AKAP1: variants seen among roughly 807,000 people sequenced by gnomAD.
AKAP1 encodes the protein A-kinase anchor protein 1, mitochondrial.
In AKAP1, 32 loss-of-function variants were observed where a neutral mutation model predicts 79.8. The observed-to-expected ratio is 0.40, with a 90% confidence interval of 0.30 to 0.54. The LOEUF (loss-of-function observed/expected upper bound fraction) is 0.54, where lower values mean the gene tolerates loss of function less well. Ranked by LOEUF, AKAP1 falls within the 20% of genes least tolerant of loss-of-function variation. The pLI is 0.47. For synonymous variants in AKAP1, 416 were observed against 466.7 expected (o/e 0.89, Z 1.40); for missense variants, 961 against 1,138.9 (o/e 0.84, Z 2.25).
chr17:57,118,493 G>A (rs902585049), intron 9 of AKAP1, 39 bp downstream of exon 9: 2 of 1,606,980 alleles, frequency 1.2e-6, no homozygotes, highest in Non-Finnish European at 1.7e-6. Context: ...AGGCTGGCTG[G>A]GTTCTTGGGA....
chr17:57,112,395 G>A, intron 4 of AKAP1, 96 bp from the exon 5 acceptor site: 3 of 1,463,062 alleles, frequency 2.1e-6, no homozygotes, highest in South Asian at 1.3e-5. Context: ...TCTATGCAAA[G>A]TCCAGTGGAG....
In AKAP1 at chr17:57,106,620, G is replaced by A. The variant is rs766390638; in HGVS notation, c.1156G>A (p.Glu386Lys). ...CQASQLQGQKEESCVPVHQKT... is the reference protein window; with the variant it reads ...CQASQLQGQKKESCVPVHQKT... ...GGCCAGTCAGCTCCAAGGGCAGAAG[G>A]AAGAGAGCTGTGTCCCAGTTCACCA... The change falls in exon 2 of 11, where the codon GAA (glutamate) becomes AAA (lysine). Residue 386 changes from glutamate to lysine, a missense_variant. Physicochemically the swap from Glu to Lys is moderately conservative, Grantham distance 56 (BLOSUM62 1). Transcript: ENST00000337714. 26 of 1,614,060 alleles carry A rather than the reference G, an allele frequency of 1.6e-5. No individual in the cohort carries two copies. Among genetic ancestry groups the A allele is most frequent in the Non-Finnish European group, 1.9e-5 (22 of 1,180,040 alleles).
Position 57,106,985 on chromosome 17 carries a change from C to G in AKAP1, c.1521C>G (p.Cys507Trp). 1 of 1,614,224 alleles carries G rather than the reference C, an allele frequency of 6.2e-7. No homozygotes were observed. The change falls in exon 2 of 11, where the codon TGC becomes TGG. Residue 507 changes from cysteine (C) to tryptophan (W), a missense_variant. By Grantham distance (215) the Cys-to-Trp change is radical. Transcript: ENST00000337714. Reference protein sequence around the residue: ...SVPLVASPGHCSDSFSTSGLE... With the variant: ...SVPLVASPGHWSDSFSTSGLE... ...CTTTGGTGGCTTCTCCAGGACACTGCTCAGATTCTTTCAGCACTTCAGGGC... is the reference window on the plus strand; with the variant it reads ...CTTTGGTGGCTTCTCCAGGACACTGGTCAGATTCTTTCAGCACTTCAGGGC...
At chr17:57,115,083 G>C (rs566827901) in intron 6 of AKAP1, among the ~76,000 whole-genome samples, 3 of 152,122 alleles carry the variant, frequency 2.0e-5, no homozygotes, top group African/African-American at 7.2e-5. Context: ...CCTGTGCAGC[G>C]TGTTGGGTCA....
chr17:57,116,505 G>A (rs566524476), intron 7 of AKAP1, among the ~76,000 whole-genome samples: 3 of 152,336 alleles, frequency 2.0e-5, no homozygotes, highest in East Asian at 3.9e-4. Flanking sequence ...TGGGCCAGGC[G>A]TGGTGGCCTG....
intron 1 of AKAP1, among the ~76,000 whole-genome samples, chr17:57,102,339 C>T (rs1914566813): frequency 6.6e-6 from 1 of 152,118 alleles, no homozygotes; most frequent in Non-Finnish European, 1.5e-5. Context: ...TATCATAAGG[C>T]TCTCCGGAAA....
intron 1 of AKAP1, among the ~76,000 whole-genome samples, chr17:57,089,747 G>A (rs1913668878): frequency 6.6e-6 from 1 of 152,144 alleles, no homozygotes; most frequent in Non-Finnish European, 1.5e-5. Context: ...TGTCTCCATG[G>A]CATACTACAA....
chr17:57,092,303 C>T (rs988251828), intron 1 of AKAP1: 1 of 152,240 alleles, frequency 6.6e-6, no homozygotes, highest in African/African-American at 2.4e-5. Context: ...GCCCATCTAA[C>T]TGTTTCTGAT....
chr17:57,108,437 A>C (rs1276323659), intron 2 of AKAP1, among the ~76,000 whole-genome samples: 1 of 152,180 alleles, frequency 6.6e-6, no homozygotes, highest in African/African-American at 2.4e-5. Flanking sequence ...TTATTTTTTA[A>C]GAATAAAGGA....
chr17:57,113,594 CTTTTTTTTTT>C (rs1036422001), intron 5 of AKAP1, among the ~76,000 whole-genome samples: 3 of 82,498 alleles, frequency 3.6e-5, no homozygotes, highest in East Asian at 3.1e-4. Flanking sequence ...GACTCACTCT[CTTTTTTTTTT>C]TTTTTTTTTT....
Position 57,106,524 on chromosome 17 carries a change from C to G in AKAP1, c.1060C>G (p.Gln354Glu), listed in dbSNP as rs149590893. 1.1e-5 allele frequency: 17 copies of G among 1,614,030 alleles called. No individual in the cohort carries two copies. In the African/African-American group the frequency reaches 1.3e-4, roughly 13 times the overall value. ...IKRAAFQIIS[Q>E]VISEATEQVL... Reference sequence around the variant, plus strand: ...GCGGGCTGCCTTCCAGATAATCTCCCAAGTGATCTCAGAAGCAACCGAACA... The same window carrying G: ...GCGGGCTGCCTTCCAGATAATCTCCGAAGTGATCTCAGAAGCAACCGAACA... The change falls in exon 2 of 11, where the codon CAA (glutamine) becomes GAA (glutamate). Residue 354 changes from glutamine (Q) to glutamate (E), a missense_variant. Physicochemically the swap from Gln to Glu is conservative, Grantham distance 29. Transcript: ENST00000337714.
In AKAP1 at chr17:57,101,299, A is replaced by G. The variant is rs1214881483; in HGVS notation, c.-24-4142A>G. 2.6e-5 allele frequency among the ~76,000 whole-genome samples: 4 copies of G among 152,024 alleles called. No individual in the cohort carries two copies. The East Asian group carries it at 5.8e-4, about 22-fold the overall frequency. On this transcript the variant is annotated intron_variant, in intron 1 of 10. Coordinates refer to ENST00000337714, the MANE Select transcript of AKAP1 (RefSeq NM_003488.4). ...CTGCAACCTCCGCCTCCCTGGCTCA[A>G]GTGATCCTCCTGCCTCAGCCTCTGG...
intron 1 of AKAP1, among the ~76,000 whole-genome samples, chr17:57,098,207 C>T (rs938420311): frequency 2.6e-5 from 4 of 152,270 alleles, no homozygotes; most frequent in Admixed American, 6.5e-5. Context: ...CACTTGGCAA[C>T]TAGCCAGTAT....
intron 8 of AKAP1, among the ~76,000 whole-genome samples, chr17:57,117,593 G>A (rs1225418778): frequency 6.6e-6 from 1 of 152,178 alleles, no homozygotes. Flanking sequence ...TAAGCGATTT[G>A]CATGCGTTAG....
chr17:57,104,495 A>G (rs1288440024), intron 1 of AKAP1, among the ~76,000 whole-genome samples: 1 of 152,254 alleles, frequency 6.6e-6, no homozygotes, highest in Non-Finnish European at 1.5e-5. Context: ...TAAATCGAAA[A>G]TAAATACATC....
rs1913375873 is a variant in AKAP1, at chr17:57,085,321, G to C, written c.-102G>C. 1 of 151,588 alleles carries C rather than the reference G, an allele frequency of 6.6e-6. No individual in the cohort carries two copies. Among genetic ancestry groups the C allele is most frequent in the South Asian group, 2.0e-4 (1 of 4,952 alleles). 9.4% of individuals were successfully genotyped at this position (151,588 alleles called of 1,614,324 possible). A position where few individuals can be genotyped will look rare whatever the true frequency, so the allele number is the denominator to read the frequency against. On this transcript the variant is annotated 5_prime_UTR_variant, in exon 1 of 11. Coordinates refer to ENST00000337714, the MANE Select transcript of AKAP1 (RefSeq NM_003488.4). ...CTGCGGAAGCGCGGCGCTGCGGGCC[G>C]GGCCGCGGGGCACAGCCGGGGGCCG...
Position 57,110,086 on chromosome 17 carries a change from C to A in AKAP1, c.1776C>A (p.Ser592Arg). The A allele has an allele frequency of 6.2e-7, 1 of 1,614,194 alleles. No individual in the cohort carries two copies. Among genetic ancestry groups the A allele is most frequent in the Non-Finnish European group, 8.5e-7 (1 of 1,180,026 alleles). ...GTTGCAGTCTCAAGAAGACTGAGAGCTTCCAAAATGCCCAGGCAGGCTCCA... is the reference window on the plus strand; with the variant it reads ...GTTGCAGTCTCAAGAAGACTGAGAGATTCCAAAATGCCCAGGCAGGCTCCA... ...DSCCSLKKTE[S>R]FQNAQAGSNP... Residue 592 changes from serine to arginine, a missense_variant, in exon 3 of 11, where the codon AGC becomes AGA. Ser to Arg is a moderately radical substitution (Grantham distance 110, BLOSUM62 -1). Coordinates refer to ENST00000337714, the MANE Select transcript of AKAP1 (RefSeq NM_003488.4).
Position 57,106,698 on chromosome 17 carries a change from G to A in AKAP1, c.1234G>A (p.Val412Ile). 6.2e-7 allele frequency: 1 copy of A among 1,614,074 alleles called. No individual in the cohort carries two copies. Among genetic ancestry groups the A allele is most frequent in the Non-Finnish European group, 8.5e-7 (1 of 1,180,028 alleles). The change falls in exon 2 of 11, where the codon GTT (valine) becomes ATT (isoleucine). Residue 412 changes from valine to isoleucine, a missense_variant. Transcript: ENST00000337714. Reference sequence around the variant, plus strand: ...GGAGCCTGCCACAGCAGAGGCAGCTGTTGCCCCGCCGGATGCTGGCCTCCC... The same window carrying A: ...GGAGCCTGCCACAGCAGAGGCAGCTATTGCCCCGCCGGATGCTGGCCTCCC... Reference protein sequence around the residue: ...TAEPATAEAAVAPPDAGLPLP... With the variant: ...TAEPATAEAAIAPPDAGLPLP...
At chr17:57,096,291 T>A (rs1914107956) in intron 1 of AKAP1, 1 of 152,390 alleles carries the variant, frequency 6.6e-6, no homozygotes, top group East Asian at 1.9e-4. Context: ...GGTTTTCATT[T>A]TGGCCGTAGA....
Sources: gnomAD v4.1 joint callset for allele counts (sites outside exome capture counted in the v4.1 genomes callset) on GRCh38, gnomAD v4.1.1 for gene constraint, MANE v1.5 for transcripts, NCBI Gene and HGNC (gene_info 2026-07-23, HGNC 2026-07-21) for gene names.